EXT1: variants seen among roughly 807,000 people sequenced by gnomAD.
EXT1 encodes the protein exostosin glycosyltransferase 1, also known as exostosin-1.
A neutral mutation model predicts 82.5 loss-of-function variants in EXT1; 20 were observed. The observed-to-expected ratio is 0.24, with a 90% CI of 0.17 to 0.35. The LOEUF is 0.35. Among genes scored for constraint, EXT1 ranks in the 10% least tolerant of loss-of-function variants. EXT1 has a pLI of 1.00. For missense variants in EXT1, 757 were observed against 936.5 expected (o/e 0.81, Z 2.50); for synonymous variants, 348 against 350.8 (o/e 0.99, Z 0.09).
Position 117,902,879 on chromosome 8 carries a change from A to G in EXT1, c.963-65678T>C, listed in dbSNP as rs181602702. ...GAGGAATGTTGCAAATACATCCAACAATCTGGGTATAAGGAATTTCTTTCT... is the reference window on the plus strand; with the variant it reads ...GAGGAATGTTGCAAATACATCCAACGATCTGGGTATAAGGAATTTCTTTCT... On this transcript the variant is annotated intron_variant, in intron 1 of 10. Coordinates refer to ENST00000378204, the MANE Select transcript of EXT1 (RefSeq NM_000127.3). 1.9e-3 allele frequency among the ~76,000 whole-genome samples: 297 copies of G among 152,344 alleles called. 2 individuals carry two copies. The highest frequency in any genetic ancestry group is 6.4e-3 in the African/African-American group (267 of 41,572).
intron 1 of EXT1, among the ~76,000 whole-genome samples, chr8:118,072,887 C>G (rs558751696): frequency 3.3e-5 from 5 of 152,170 alleles, no homozygotes; most frequent in Admixed American, 2.6e-4. Flanking sequence ...TAATGGGTTA[C>G]GGGAACCCAA....
chr8:117,809,618 C>A (rs1406578800), intron 8 of EXT1, among the ~76,000 whole-genome samples: 1 of 143,904 alleles, frequency 6.9e-6, no homozygotes, highest in African/African-American at 2.6e-5. Context: ...TCGTGGGCGG[C>A]AGAGTGAGAC....
Position 117,830,274 on chromosome 8 carries a change from C to A in EXT1, c.1240G>T (p.Ala414Ser), listed in dbSNP as rs1812076646. Residue 414 changes from alanine (A) to serine (S), a missense_variant, in exon 4 of 11, where the codon GCT becomes TCT. By Grantham distance (99) the Ala-to-Ser change is moderately conservative. Transcript: ENST00000378204. ...ATCTTCTCAACTGAAGAAAAATAAG[C>A]CTCCCACAAGAATTGTGTCTGCTGT... ...LRQQTQFLWE[A>S]YFSSVEKIVL... is the part of the protein sequence containing the mutation. 6.2e-7 allele frequency: 1 copy of A among 1,613,988 alleles called. No individual in the cohort carries two copies. The highest frequency in any genetic ancestry group is 8.5e-7 in the Non-Finnish European group (1 of 1,179,974).
At chr8:118,065,792 G>A (rs1272215747) in intron 1 of EXT1, among the ~76,000 whole-genome samples, 1 of 152,194 alleles carries the variant, frequency 6.6e-6, no homozygotes, top group Admixed American at 6.5e-5. Flanking sequence ...ATATTTAGTG[G>A]GTGGGCATTT....
intron 1 of EXT1, among the ~76,000 whole-genome samples, chr8:118,025,189 A>G (rs1816180906): frequency 6.6e-6 from 1 of 152,178 alleles, no homozygotes; most frequent in South Asian, 2.1e-4. Context: ...ACCTAGAAAG[A>G]GACACAGGAC....
At chr8:118,096,493 C>T (rs1366706644) in intron 1 of EXT1, among the ~76,000 whole-genome samples, 1 of 151,934 alleles carries the variant, frequency 6.6e-6, no homozygotes, top group Non-Finnish European at 1.5e-5. Context: ...TGGTGGTACT[C>T]AGGAGGCTGA....
intron 7 of EXT1, among the ~76,000 whole-genome samples, chr8:117,813,534 G>A (rs112878424): frequency 2.1e-4 from 32 of 152,274 alleles, no homozygotes; most frequent in Middle Eastern, 3.4e-3. Context: ...CACAAACCAC[G>A]GGGAGAGCAG....
At chr8:117,916,011 C>A (rs1395696275) in intron 1 of EXT1, among the ~76,000 whole-genome samples, 2 of 152,094 alleles carry the variant, frequency 1.3e-5, no homozygotes, top group Non-Finnish European at 2.9e-5. Context: ...TCACAGGAAA[C>A]CGTTGTCTTT....
chr8:118,000,347 C>A (rs543781704), intron 1 of EXT1, among the ~76,000 whole-genome samples: 6 of 152,170 alleles, frequency 3.9e-5, no homozygotes, highest in African/African-American at 1.4e-4. Context: ...TTGACAAAGG[C>A]TGAGTTTAGA....
chr8:117,809,209 G>GTATAAATATATATA (rs1471755255), intron 8 of EXT1, among the ~76,000 whole-genome samples: 1,238 of 85,164 alleles, frequency 0.015, 13 homozygotes, highest in Admixed American at 0.035. Flanking sequence ...ATATGTGTGT[G>GTATAAATATATATA]TGTGTATAAA....
In EXT1 at chr8:118,110,833, C is replaced by T. The variant is rs150818931; in HGVS notation, c.214G>A (p.Glu72Lys). 144 of 1,612,452 alleles carry T rather than the reference C, an allele frequency of 8.9e-5. No individual in the cohort carries two copies. Among genetic ancestry groups the T allele is most frequent in the Middle Eastern group, 1.7e-4 (1 of 6,036 alleles). Residue 72 changes from glutamate (E) to lysine (K), a missense_variant, in exon 1 of 11, where the codon GAA (glutamate) becomes AAA (lysine). Glu to Lys is a moderately conservative substitution (Grantham distance 56). Transcript: ENST00000378204. Reference protein sequence around the residue: ...LRPFVPWDQLENEDSSVHISP... With the variant: ...LRPFVPWDQLKNEDSSVHISP... Reference sequence around the variant, plus strand: ...ATGTGCACGCTGGAATCCTCGTTTTCCAATTGATCCCAAGGAACGAAGGGG... The same window carrying T: ...ATGTGCACGCTGGAATCCTCGTTTTTCAATTGATCCCAAGGAACGAAGGGG...
chr8:117,889,963 TC>T (rs1219818900), intron 1 of EXT1, among the ~76,000 whole-genome samples: 1 of 152,168 alleles, frequency 6.6e-6, no homozygotes, highest in Non-Finnish European at 1.5e-5. Flanking sequence ...AATGATAATT[TC>T]CCTGACAAAA....
intron 1 of EXT1, among the ~76,000 whole-genome samples, chr8:117,952,729 C>G (rs1300942876): frequency 6.6e-6 from 1 of 151,956 alleles, no homozygotes; most frequent in East Asian, 1.9e-4. Flanking sequence ...CCAATGCACT[C>G]CAGCCTGAGC....
chr8:118,004,212 T>A (rs1210411624), intron 1 of EXT1, among the ~76,000 whole-genome samples: 2 of 152,236 alleles, frequency 1.3e-5, no homozygotes, highest in Non-Finnish European at 1.5e-5. Flanking sequence ...TCAACTAGAA[T>A]GTCAATTCCA....
chr8:117,970,125 C>T (rs1037619376), intron 1 of EXT1, among the ~76,000 whole-genome samples: 4 of 152,122 alleles, frequency 2.6e-5, no homozygotes, highest in South Asian at 2.1e-4. Flanking sequence ...AGCCTGCAGA[C>T]GTATTTGTTT....
chr8:117,924,111 AATCTGCATTTTAAGAAAATAACT>A (rs1346268377), intron 1 of EXT1, among the ~76,000 whole-genome samples: 1 of 152,220 alleles, frequency 6.6e-6, no homozygotes, highest in African/African-American at 2.4e-5. Context: ...ACTGAATCAC[AATCTGCATTTTAAGAAAATAACT>A]GGGTGATTCA....
At chr8:117,902,297 T>TA (rs200049648) in intron 1 of EXT1, among the ~76,000 whole-genome samples, 2 of 151,972 alleles carry the variant, frequency 1.3e-5, no homozygotes, top group East Asian at 1.9e-4. Context: ...AAAATAACAA[T>TA]AAAAAAACTA....
chr8:118,006,040 T>A (rs571434001), intron 1 of EXT1, among the ~76,000 whole-genome samples: 29 of 152,320 alleles, frequency 1.9e-4, no homozygotes, highest in African/African-American at 7.0e-4. Flanking sequence ...GAACTTGAGG[T>A]GTGGCCTTTA....
intron 1 of EXT1, among the ~76,000 whole-genome samples, chr8:117,899,043 T>A (rs1321786979): frequency 6.6e-6 from 1 of 152,080 alleles, no homozygotes; most frequent in East Asian, 1.9e-4. Context: ...AAGAAAAAAA[T>A]AAATGAAAGC....
Sources: allele counts gnomAD v4.1 joint callset (sites outside exome capture counted in the v4.1 genomes callset), GRCh38; gene constraint gnomAD v4.1.1; transcripts MANE v1.5; gene names NCBI Gene and HGNC (gene_info 2026-07-23, HGNC 2026-07-21).